HDAC8: variants seen among roughly 807,000 people sequenced by gnomAD.
The protein encoded by HDAC8 is histone deacetylase-like 1.
A neutral mutation model predicts 32.2 loss-of-function variants in HDAC8; 1 was observed. The ratio of observed to expected loss-of-function variants is 0.03; its 90% CI spans 0.01 to 0.15. HDAC8 has a LOEUF of 0.15. Among genes scored for constraint, HDAC8 ranks in the 10% least tolerant of loss-of-function variants. The pLI is 1.00. For synonymous variants in HDAC8, 108 were observed against 113.9 expected (o/e 0.95, Z 0.33); for missense variants, 117 against 300.0 (o/e 0.39, Z 4.51).
intron 10 of HDAC8, among the ~76,000 whole-genome samples, chrX:72,331,520 C>T (rs782294906): frequency 1.6e-4 from 18 of 111,369 alleles, no homozygotes; most frequent in East Asian, 2.8e-4. Context: ...TTTTTTTACT[C>T]AGCATAATGC....
intron 4 of HDAC8, among the ~76,000 whole-genome samples, chrX:72,533,492 A>C (rs145519973): frequency 0.02 from 2,228 of 111,684 alleles, 56 homozygotes; most frequent in African/African-American, 0.067. Flanking sequence ...AGAAACAGAC[A>C]GAATACTTCC....
chrX:72,525,369 G>A (rs7065407), intron 4 of HDAC8, among the ~76,000 whole-genome samples: 25,688 of 110,026 alleles, frequency 0.23, 5,325 homozygotes, highest in East Asian at 0.68. Flanking sequence ...CACGACTCCA[G>A]TGCCTTCTCT....
intron 10 of HDAC8, among the ~76,000 whole-genome samples, chrX:72,334,523 C>T (rs189389201): frequency 1.5e-3 from 170 of 111,607 alleles, no homozygotes; most frequent in Middle Eastern, 4.6e-3. Context: ...CTGCTCAGCT[C>T]CAGCCACTCA....
chrX:72,370,076 C>A (rs782198103), intron 9 of HDAC8, among the ~76,000 whole-genome samples: 5 of 112,118 alleles, frequency 4.5e-5, no homozygotes, highest in Admixed American at 9.4e-5. Flanking sequence ...GAACCTGGGG[C>A]CTGAATGGCT....
Position 72,489,010 on chromosome X carries a change from C to A in HDAC8, c.660G>T (p.Gly220=). 8.4e-7 allele frequency: 1 copy of A among 1,197,376 alleles called. No homozygotes were observed. Among genetic ancestry groups the A allele is most frequent in the Non-Finnish European group, 1.1e-6 (1 of 888,036 alleles). ...CATTTACACTGTAGTACCGTCCCTT[C>A]CCTAGGCCAACATCAGACACGTCAC... is the stretch of plus-strand genomic sequence containing the variant. ...GTGDVSDVGL[G]KGRYYSVNVP... Residue 220 remains glycine (G), a synonymous_variant, in exon 7 of 11, where the codon GGG becomes GGT. Coordinates refer to ENST00000373573, the MANE Select transcript of HDAC8 (RefSeq NM_018486.3).
chrX:72,554,490 GGCGGGGGGA>G (rs199670604), intron 4 of HDAC8, among the ~76,000 whole-genome samples: 15,368 of 83,504 alleles, frequency 0.18, 1,692 homozygotes, highest in Non-Finnish European at 0.25. Flanking sequence ...GAGCGGGTAG[GGCGGGGGGA>G]GCGGGGAGGG....
At chrX:72,494,008 A>G (rs1474379056) in intron 5 of HDAC8, among the ~76,000 whole-genome samples, 2 of 111,509 alleles carry the variant, frequency 1.8e-5, no homozygotes, top group African/African-American at 6.5e-5. Flanking sequence ...ATTCTTAACC[A>G]TTCTTAGCTT....
At chrX:72,396,021 G>A (rs1250253628) in intron 9 of HDAC8, among the ~76,000 whole-genome samples, 2 of 111,820 alleles carry the variant, frequency 1.8e-5, no homozygotes, top group African/African-American at 6.5e-5. Flanking sequence ...GTGTGTTCTA[G>A]TTAAACCTTG....
rs143827933 is a variant in HDAC8 at position 72,334,780 on chromosome X, A to G, written c.1112-4704T>C. ...CTGAAACAGTCTTGATTTATACCTA[A>G]GGCACCCCATTTCACTCTCAAATAT... On this transcript the variant is annotated intron_variant, in intron 10 of 10. Transcript: ENST00000373573. Among the ~76,000 whole-genome samples, 893 of 111,578 alleles carry G rather than the reference A, an allele frequency of 8.0e-3. 6 individuals are homozygous for G. Among genetic ancestry groups the G allele is most frequent in the African/African-American group, 0.027 (838 of 30,652 alleles).
chrX:72,529,263 T>C (rs188315219), intron 4 of HDAC8, among the ~76,000 whole-genome samples: 5 of 112,353 alleles, frequency 4.5e-5, no homozygotes, highest in Non-Finnish European at 9.4e-5. Context: ...GCAGATATGA[T>C]TAAGTTAAGG....
chrX:72,572,200 CT>C, intron 1 of HDAC8, 91 bp from the exon 2 acceptor site: 2 of 875,519 alleles, frequency 2.3e-6, no homozygotes, highest in Non-Finnish European at 3.2e-6. Flanking sequence ...TCTCACCATC[CT>C]GAACAAAGGA....
intron 9 of HDAC8, among the ~76,000 whole-genome samples, chrX:72,367,251 C>T (rs1276339468): frequency 8.9e-6 from 1 of 112,161 alleles, no homozygotes; most frequent in Non-Finnish European, 1.9e-5. Context: ...AGCCAGCTGT[C>T]CTGTAAATGT....
At chrX:72,572,568 C>G (rs1240218902) in intron 1 of HDAC8, 83 bp downstream of exon 1, 2 of 682,080 alleles carry the variant, frequency 2.9e-6, no homozygotes, top group Admixed American at 6.3e-5. Flanking sequence ...GCCCAGTGTC[C>G]TCTCCGCTTC....
chrX:72,344,009 A>T (rs1248868162), intron 10 of HDAC8, among the ~76,000 whole-genome samples: 4 of 112,388 alleles, frequency 3.6e-5, no homozygotes, highest in Non-Finnish European at 7.5e-5. Flanking sequence ...AATGCGGAGC[A>T]ATAAAAAGGT....
chrX:72,441,853 G>A (rs1383435261), intron 9 of HDAC8, among the ~76,000 whole-genome samples: 2 of 112,125 alleles, frequency 1.8e-5, no homozygotes, highest in African/African-American at 6.5e-5. Flanking sequence ...AGCTGATGGA[G>A]CTGAAAGCCA....
At chrX:72,419,009 C>A (rs1389116913) in intron 9 of HDAC8, among the ~76,000 whole-genome samples, 3 of 111,737 alleles carry the variant, frequency 2.7e-5, no homozygotes. Context: ...TATCCTTATG[C>A]CAACACCATG....
chrX:72,491,675 G>T (rs2048875174), intron 5 of HDAC8, among the ~76,000 whole-genome samples: 1 of 111,642 alleles, frequency 9.0e-6, no homozygotes, highest in Non-Finnish European at 1.9e-5. Context: ...AGATGGGCGA[G>T]AAAGGGGTCT....
chrX:72,337,925 C>T (rs1287374515), intron 10 of HDAC8, among the ~76,000 whole-genome samples: 2 of 111,686 alleles, frequency 1.8e-5, no homozygotes, highest in South Asian at 3.8e-4. Flanking sequence ...CTTCCTTCTT[C>T]CTGGAATGCT....
chrX:72,389,833 G>A (rs1370150167), intron 9 of HDAC8, among the ~76,000 whole-genome samples: 1 of 111,632 alleles, frequency 9.0e-6, no homozygotes, highest in Non-Finnish European at 1.9e-5. Context: ...TAATATTTAA[G>A]TAATATAAGA....
Sources: allele counts gnomAD v4.1 joint callset (sites outside exome capture counted in the v4.1 genomes callset), GRCh38; gene constraint gnomAD v4.1.1; transcripts MANE v1.5; gene names NCBI Gene and HGNC (gene_info 2026-07-23, HGNC 2026-07-21).